MACF1: variants seen among roughly 807,000 people sequenced by gnomAD.
MACF1 encodes microtubule actin crosslinking factor 1.
In MACF1, 193 loss-of-function variants were observed where a neutral mutation model predicts 854.8. The ratio of observed to expected loss-of-function variants is 0.23; its 90% CI spans 0.20 to 0.25. The LOEUF is 0.25. MACF1 is among the 10% of genes least tolerant of loss of function. The pLI is 1.00. For missense variants in MACF1, 7,722 were observed against 8,929.1 expected, an observed-to-expected ratio of 0.86 and a Z score of 5.45; for synonymous variants, 3,185 against 3,226.7, an observed-to-expected ratio of 0.99 and a Z score of 0.44.
At position 39,113,161 on chromosome 1, in the gene MACF1, C is replaced by A. The variant is rs2148146870; in HGVS notation, c.220+28723C>A. 2.6e-5 allele frequency among the ~76,000 whole-genome samples: 4 copies of A among 152,220 alleles called. No individual in the cohort carries two copies. The South Asian group carries it at 8.3e-4, about 32-fold the overall frequency. ...CATTCCAGACCCTCCTCTCCCTACC[C>A]CTAATCTCAATATCATTCTTTCAGT... is the stretch of plus-strand genomic sequence containing the variant. On this transcript the variant is annotated intron_variant, in intron 2 of 93. Coordinates refer to the MACF1 transcript ENST00000361689.
chr1:39,450,986 G>A, intron 84 of MACF1, 66 bp from the exon 85 acceptor site: 1 of 1,544,112 alleles, frequency 6.5e-7, no homozygotes, highest in Non-Finnish European at 8.8e-7. Flanking sequence ...CTTTCAGCGA[G>A]GCAGAATTGT....
At chr1:39,369,980 T>G (rs1481594027) in intron 50 of MACF1, 50 bp from the exon 51 acceptor site, 1 of 1,556,116 alleles carries the variant, frequency 6.4e-7, no homozygotes, top group Non-Finnish European at 8.7e-7. Flanking sequence ...TAGCTCAAGT[T>G]GACTTTATAA....
At chr1:39,085,927 A>G (rs933659554) in intron 2 of MACF1, among the ~76,000 whole-genome samples, 1 of 152,096 alleles carries the variant, frequency 6.6e-6, no homozygotes, top group African/African-American at 2.4e-5. Context: ...ATGCTGGTAA[A>G]CCCTCCTCCT....
chr1:39,442,988 C>G (rs1277152009), intron 78 of MACF1, 77 bp downstream of exon 78: 2 of 1,416,012 alleles, frequency 1.4e-6, no homozygotes, highest in African/African-American at 1.4e-5. Flanking sequence ...GAGAAGAGAT[C>G]AATTTGAAAA....
chr1:39,129,657 C>T (rs1427363294), intron 2 of MACF1, among the ~76,000 whole-genome samples: 1 of 152,222 alleles, frequency 6.6e-6, no homozygotes, highest in East Asian at 1.9e-4. Context: ...GTGGCCAGGA[C>T]CTCCTTGCAT....
intron 2 of MACF1, among the ~76,000 whole-genome samples, chr1:39,186,206 C>G (rs56331933): frequency 1.0e-3 from 58 of 57,894 alleles, no homozygotes; most frequent in African/African-American, 3.6e-3. Flanking sequence ...CTCTCTCTCT[C>G]TCTCTCTCTG....
intron 23 of MACF1, among the ~76,000 whole-genome samples, chr1:39,305,589 T>C (rs1208167621): frequency 6.6e-6 from 1 of 152,252 alleles, no homozygotes; most frequent in Non-Finnish European, 1.5e-5. Flanking sequence ...TTTCCAAATG[T>C]GGTTATGTCA....
chr1:39,155,299 A>G lies in MACF1; in HGVS notation c.220+70861A>G, dbSNP rs181587138. Among the ~76,000 whole-genome samples, 305 of 152,372 alleles carry G rather than the reference A, an allele frequency of 2.0e-3. 2 individuals are homozygous for G. Among genetic ancestry groups the G allele is most frequent in the African/African-American group, 7.1e-3 (295 of 41,602 alleles). On this transcript the variant is annotated intron_variant, in intron 2 of 93. Coordinates refer to the MACF1 transcript ENST00000361689. ...AATGGTGAAACACACAGAGGAAATG[A>G]CAAACTAGCATGTGTTGTCTTTTAA...
Position 39,084,504 on chromosome 1 carries a change from A to G in MACF1, c.220+66A>G. The G allele has an allele frequency of 7.0e-7, 1 of 1,429,872 alleles. No homozygotes were observed. Among genetic ancestry groups the G allele is most frequent in the Non-Finnish European group, 9.6e-7 (1 of 1,044,628 alleles). The allele number at this position is 1,429,872 out of a possible 1,614,324, so 88.6% of individuals were successfully genotyped here. A position where few individuals can be genotyped will look rare whatever the true frequency, so the allele number is the denominator to read the frequency against. Reference sequence around the variant, plus strand: ...AGGGAGGAATGGGCCAGGGCACAGCAGCTGTGTGGGGAGCCGAGGGGTCCT... The same window carrying G: ...AGGGAGGAATGGGCCAGGGCACAGCGGCTGTGTGGGGAGCCGAGGGGTCCT... On this transcript the variant is annotated intron_variant, in intron 2 of 93. Transcript: ENST00000361689. The surrounding 1 kb of genome is among the most constrained non-coding windows in gnomAD (Gnocchi z 5.2).
Position 39,441,288 on chromosome 1 carries a change from C to G in MACF1, c.18635C>G (p.Ala6212Gly). 6.2e-7 allele frequency: 1 copy of G among 1,614,096 alleles called. No individual in the cohort carries two copies. Among genetic ancestry groups the G allele is most frequent in the Non-Finnish European group, 8.5e-7 (1 of 1,179,994 alleles). ...WKERLEKLED[A>G]MQAAVQYQDT... is the part of the protein sequence containing the mutation. ...GAGAGGCTAGAAAAACTTGAGGATG[C>G]TATGCAAGCTGCTGTGCAGTATCAG... The change falls in exon 74 of 101, where the codon GCT becomes GGT. Residue 6212 changes from alanine to glycine, a missense_variant. Coordinates refer to ENST00000564288, the MANE Select transcript of MACF1 (RefSeq NM_001394062.1).
chr1:39,283,430 A>G lies in MACF1; in HGVS notation c.830A>G (p.Asp277Gly). The G allele has an allele frequency of 6.2e-7, 1 of 1,612,166 alleles. No homozygotes were observed. The highest frequency in any genetic ancestry group is 2.2e-5 in the East Asian group (1 of 44,874). The change falls in exon 9 of 101, where the codon GAT (aspartate) becomes GGT (glycine). Residue 277 changes from aspartate (D) to glycine (G), a missense_variant. Physicochemically the swap from Asp to Gly is moderately conservative, Grantham distance 94. Transcript: ENST00000564288. This position sits in a 1 kb window ranked among gnomAD's most constrained non-coding sequence, Gnocchi z 4.5. ...DAEDVDVPSP[D>G]EKSVITYVSS... ...TCAGATGTGGATGTGCCATCTCCAG[A>G]TGAAAAGTCTGTAATCACTTATGTG...
intron 2 of MACF1, among the ~76,000 whole-genome samples, chr1:39,136,052 T>C (rs1643159255): frequency 1.3e-5 from 2 of 152,198 alleles, no homozygotes; most frequent in Non-Finnish European, 2.9e-5. Context: ...TACACACACA[T>C]ACATACATAT....
Position 39,305,059 on chromosome 1 carries a change from G to A in MACF1, c.2789+1981G>A, listed in dbSNP as rs1571305038. On this transcript the variant is annotated intron_variant, in intron 23 of 100. Coordinates refer to ENST00000564288, the MANE Select transcript of MACF1 (RefSeq NM_001394062.1). The stretch of plus-strand genomic sequence containing the variant: ...TTGGATTACTTGAGGTCAGGAGTTC[G>A]AGACCAGCCTGAGCAACATGGTGAA... Among the ~76,000 whole-genome samples the A allele has an allele frequency of 2.0e-5, 3 of 151,150 alleles. 1 individual carries two copies. The highest frequency in any genetic ancestry group is 6.8e-3 in the Middle Eastern group (2 of 294).
chr1:39,133,332 T>C (rs1249212100), intron 2 of MACF1, among the ~76,000 whole-genome samples: 2 of 152,216 alleles, frequency 1.3e-5, no homozygotes, highest in African/African-American at 4.8e-5. Flanking sequence ...TCCTGATCCA[T>C]CTGGAGTGAG....
rs138121796 is a variant in MACF1 at position 39,247,416 on chromosome 1, A to C, written c.172-2598A>C. Among the ~76,000 whole-genome samples, 276 of 152,276 alleles carry C rather than the reference A, an allele frequency of 1.8e-3. 2 individuals carry two copies. The highest frequency in any genetic ancestry group is 6.5e-3 in the African/African-American group (272 of 41,552). On this transcript the variant is annotated intron_variant, in intron 2 of 100. Transcript: ENST00000564288. The stretch of plus-strand genomic sequence containing the variant: ...AATTATGTAAACATACAATTAAATA[A>C]ATTATATTTAAAGTAAATGTAATAC...
intron 2 of MACF1, among the ~76,000 whole-genome samples, chr1:39,146,994 CTTTG>C (rs537890869): frequency 1.2e-4 from 18 of 152,100 alleles, no homozygotes; most frequent in Middle Eastern, 3.4e-3. Flanking sequence ...AAATATTTGT[CTTTG>C]TTTATTTTCT....
At chr1:39,234,224 A>C (rs1293293934) in intron 2 of MACF1, among the ~76,000 whole-genome samples, 7 of 152,018 alleles carry the variant, frequency 4.6e-5, no homozygotes, top group Non-Finnish European at 7.4e-5. Context: ...CCGATTTCTC[A>C]ATCTTTTCCC....
intron 97 of MACF1, among the ~76,000 whole-genome samples, chr1:39,477,079 A>ATACACACACATATATACACTTAGTG (rs1644911289): frequency 4.6e-4 from 7 of 15,162 alleles, no homozygotes; most frequent in African/African-American, 1.5e-3. Context: ...ATATATATAT[A>ATACACACACATATATACACTTAGTG]TATATATATA....
intron 85 of MACF1, among the ~76,000 whole-genome samples, 182 bp from the exon 86 acceptor site, chr1:39,451,974 C>G (rs757984492): frequency 1.3e-5 from 2 of 152,062 alleles, no homozygotes; most frequent in Non-Finnish European, 2.9e-5. Context: ...TCCCAAAATG[C>G]TGGGATTACA....
Sources: gnomAD v4.1 joint callset for allele counts (sites outside exome capture counted in the v4.1 genomes callset) on GRCh38, gnomAD v4.1.1 for gene constraint, Gnocchi (gnomAD v3.1) non-coding constraint, MANE v1.5 for transcripts, NCBI Gene and HGNC (gene_info 2026-07-23, HGNC 2026-07-21) for gene names.